The following KCNH1 variants were observed in gnomAD, a reference collection of about 807,000 sequenced individuals.
KCNH1 encodes the protein voltage-gated delayed rectifier potassium channel KCNH1.
KCNH1 carries 27 observed loss-of-function variants against 69.2 expected under a neutral mutation model. The ratio of observed to expected loss-of-function variants is 0.39; its 90% CI spans 0.29 to 0.54. The LOEUF (loss-of-function observed/expected upper bound fraction) is 0.54. KCNH1 is among the 20% of genes least tolerant of loss of function. The probability of loss-of-function intolerance (pLI) is 0.68; values close to 1 mark genes in which losing one functional copy is unlikely to be tolerated. For missense variants in KCNH1, 798 were observed against 1,261.6 expected (o/e 0.63, Z 5.57); for synonymous variants, 456 against 487.7 (o/e 0.93, Z 0.86).
chr1:210,737,750 C>T (rs935865271), intron 10 of KCNH1, among the ~76,000 whole-genome samples: 4 of 152,236 alleles, frequency 2.6e-5, no homozygotes, highest in Admixed American at 6.5e-5. Context: ...CACTCTCAAA[C>T]ACCCACAGAA....
intron 5 of KCNH1, among the ~76,000 whole-genome samples, chr1:211,066,624 T>A (rs573830625): frequency 1.3e-5 from 2 of 152,318 alleles, no homozygotes; most frequent in East Asian, 3.9e-4. Context: ...ATATTAAGAA[T>A]CTCTGTCACT....
Position 210,682,407 on chromosome 1 carries a change from G to A in KCNH1, c.*874C>T, listed in dbSNP as rs1681290757. ...CCTTCCTGCCGATGCTCCATACCCT[G>A]AGGAATGCCATGGGGACACTTGGGA... On this transcript the variant is annotated 3_prime_UTR_variant, in exon 11 of 11. Transcript: ENST00000271751. 6.6e-6 allele frequency: 1 copy of A among 152,308 alleles called. No homozygotes were observed. The highest frequency in any genetic ancestry group is 1.9e-4 in the East Asian group (1 of 5,192). The allele number at this position is 152,308 out of a possible 1,614,324, so 9.4% of individuals were successfully genotyped here.
chr1:210,788,253 G>A (rs1256439341), intron 9 of KCNH1, among the ~76,000 whole-genome samples: 4 of 151,980 alleles, frequency 2.6e-5, no homozygotes, highest in Non-Finnish European at 5.9e-5. Context: ...TTAACATTTT[G>A]GTATACTTTC....
intron 7 of KCNH1, among the ~76,000 whole-genome samples, chr1:210,867,182 A>G (rs2102489538): frequency 6.6e-6 from 1 of 152,058 alleles, no homozygotes; most frequent in Non-Finnish European, 1.5e-5. Context: ...AATGTTCTGA[A>G]ATTGATAGTG....
chr1:210,811,223 G>A (rs7532949), intron 7 of KCNH1, among the ~76,000 whole-genome samples: 45,146 of 152,028 alleles, frequency 0.3, 7,654 homozygotes, highest in Non-Finnish European at 0.4. Flanking sequence ...ATCAGGAGGC[G>A]CAATGACCCA....
chr1:210,935,228 G>A (rs1469337370), intron 6 of KCNH1, among the ~76,000 whole-genome samples: 1 of 150,962 alleles, frequency 6.6e-6, no homozygotes, highest in African/African-American at 2.4e-5. Context: ...ACAAATGGAT[G>A]AGCCTGGAAC....
At chr1:211,002,329 T>TAC (rs1689202064) in intron 6 of KCNH1, among the ~76,000 whole-genome samples, 1 of 53,694 alleles carries the variant, frequency 1.9e-5, no homozygotes, top group Admixed American at 1.5e-4. Flanking sequence ...TATATATATG[T>TAC]GTGTGTGTGT....
intron 1 of KCNH1, among the ~76,000 whole-genome samples, chr1:211,112,710 T>C (rs1486268333): frequency 6.6e-6 from 1 of 152,054 alleles, no homozygotes; most frequent in Non-Finnish European, 1.5e-5. Flanking sequence ...AAGATTCCCT[T>C]GTCACTCCAT....
intron 6 of KCNH1, among the ~76,000 whole-genome samples, chr1:210,926,541 T>G (rs774923715): frequency 6.6e-6 from 1 of 152,192 alleles, no homozygotes; most frequent in Non-Finnish European, 1.5e-5. Context: ...GGGAGCACCC[T>G]GTGGGACAAA....
At chr1:210,954,037 T>A (rs1212675517) in intron 6 of KCNH1, among the ~76,000 whole-genome samples, 1 of 152,136 alleles carries the variant, frequency 6.6e-6, no homozygotes, top group Non-Finnish European at 1.5e-5. Flanking sequence ...CCAAATGCTA[T>A]CTCTCCCCCA....
At chr1:210,907,971 T>A (rs1267772771) in intron 7 of KCNH1, among the ~76,000 whole-genome samples, 1 of 152,240 alleles carries the variant, frequency 6.6e-6, no homozygotes, top group Non-Finnish European at 1.5e-5. Flanking sequence ...TCCATGTCTG[T>A]TTCCACATTG....
At chr1:210,804,212 G>A in intron 7 of KCNH1, 46 bp from the exon 8 acceptor site, 1 of 1,513,766 alleles carries the variant, frequency 6.6e-7, no homozygotes, top group Non-Finnish European at 9.0e-7. Flanking sequence ...CAAGTTAGTG[G>A]TCCCTGAGCC....
At chr1:210,706,898 C>G (rs1681926772) in intron 10 of KCNH1, among the ~76,000 whole-genome samples, 1 of 152,248 alleles carries the variant, frequency 6.6e-6, no homozygotes, top group Non-Finnish European at 1.5e-5. Flanking sequence ...TTCCTGCTTT[C>G]TCTCTATCAT....
intron 10 of KCNH1, among the ~76,000 whole-genome samples, chr1:210,775,001 GC>G (rs1683832946): frequency 1.3e-5 from 2 of 152,132 alleles, no homozygotes; most frequent in South Asian, 4.2e-4. Flanking sequence ...TAATTAAATG[GC>G]CCCACAGAGC....
chr1:210,764,147 G>A (rs955551786), intron 10 of KCNH1, among the ~76,000 whole-genome samples: 7 of 151,994 alleles, frequency 4.6e-5, no homozygotes, highest in Admixed American at 1.3e-4. Flanking sequence ...TAAATGATAC[G>A]AGAAAATTGG....
At chr1:210,704,814 C>G (rs1681867753) in intron 10 of KCNH1, among the ~76,000 whole-genome samples, 1 of 152,208 alleles carries the variant, frequency 6.6e-6, no homozygotes, top group Non-Finnish European at 1.5e-5. Context: ...CCCAGTTCCA[C>G]TGGCTCACTC....
chr1:210,985,666 G>A (rs984989478), intron 6 of KCNH1, among the ~76,000 whole-genome samples: 6 of 152,114 alleles, frequency 3.9e-5, no homozygotes, highest in African/African-American at 9.7e-5. Context: ...TATAATTTCT[G>A]TTCTTTTACA....
intron 1 of KCNH1, among the ~76,000 whole-genome samples, chr1:211,122,059 AC>A (rs1307962301): frequency 6.6e-6 from 1 of 152,010 alleles, no homozygotes; most frequent in African/African-American, 2.4e-5. Context: ...AATGGCGTGA[AC>A]CTGGGAGGCG....
chr1:211,026,590 G>A (rs56260926), intron 5 of KCNH1, among the ~76,000 whole-genome samples: 67,918 of 151,994 alleles, frequency 0.45, 16,074 homozygotes, highest in African/African-American at 0.58. Flanking sequence ...TCTCGAAGCT[G>A]TAATGAAGCA....
Sources: allele counts gnomAD v4.1 joint callset (sites outside exome capture counted in the v4.1 genomes callset), GRCh38; gene constraint gnomAD v4.1.1; transcripts MANE v1.5; gene names NCBI Gene and HGNC (gene_info 2026-07-23, HGNC 2026-07-21).